COL13A1: variants seen among roughly 807,000 people sequenced by gnomAD.
COL13A1 encodes collagen alpha-1(XIII) chain.
COL13A1 carries 89 observed loss-of-function variants against 130.9 expected under a neutral mutation model. The ratio of observed to expected loss-of-function variants is 0.68; its 90% CI spans 0.57 to 0.81. The LOEUF is 0.81. Ranked by LOEUF, COL13A1 falls within the 30% of genes least tolerant of loss-of-function variation. The pLI is 0.00. For synonymous variants in COL13A1, 402 were observed against 341.6 expected (o/e 1.18, Z -1.95); for missense variants, 879 against 934.6 (o/e 0.94, Z 0.78).
chr10:69,858,212 T>G (rs1857015375), intron 2 of COL13A1, among the ~76,000 whole-genome samples: 1 of 152,068 alleles, frequency 6.6e-6, no homozygotes, highest in African/African-American at 2.4e-5. Context: ...TATCATATGC[T>G]TCTGGGATTG....
intron 2 of COL13A1, chr10:69,860,745 A>T (rs1054776583): frequency 3.9e-6 from 1 of 257,764 alleles, no homozygotes; most frequent in Admixed American, 5.3e-5. Flanking sequence ...CCTGAGCCCC[A>T]GGCTGCTATC....
At chr10:69,911,104 T>C (rs1021636082) in intron 17 of COL13A1, among the ~76,000 whole-genome samples, 2 of 152,142 alleles carry the variant, frequency 1.3e-5, no homozygotes, top group African/African-American at 4.8e-5. Context: ...GGCCCTATGA[T>C]GAGATGGCTA....
chr10:69,942,089 C>T lies in COL13A1; in HGVS notation c.1914+1066C>T, dbSNP rs995524276. On this transcript the variant is annotated intron_variant, in intron 35 of 40. Coordinates refer to ENST00000645393, the MANE Select transcript of COL13A1 (RefSeq NM_001368882.1). ...ACTGAAGCACAGGCTCACAGGTCTT[C>T]CCAGGTGGCCGGGGGCACTTGCAAC... Among the ~76,000 whole-genome samples the T allele has an allele frequency of 2.0e-5, 3 of 152,194 alleles. 1 individual carries two copies. In the South Asian group the frequency reaches 6.2e-4, roughly 32 times the overall value.
chr10:69,941,051 A>C (rs772777909), intron 35 of COL13A1, 28 bp downstream of exon 35: 1 of 1,611,994 alleles, frequency 6.2e-7, no homozygotes, highest in South Asian at 1.1e-5. Context: ...ATCACCCCTC[A>C]CCCCACTCCA....
Position 69,925,655 on chromosome 10 carries a change from G to A in COL13A1, c.1330-149G>A, listed in dbSNP as rs916458625. 6.3e-6 allele frequency: 4 copies of A among 630,364 alleles called. No homozygotes were observed. The African/African-American group carries it at 7.3e-5, about 12-fold the overall frequency. 39.0% of individuals were successfully genotyped at this position (630,364 alleles called of 1,614,324 possible). ...CAATCCCCGAGCATCCTCTGAGAGT[G>A]TTCAGAATCCCCAGGGCCCCGCTGG... On this transcript the variant is annotated intron_variant, in intron 25 of 40. Transcript: ENST00000645393.
chr10:69,945,550 T>C, intron 36 of COL13A1, 121 bp from the exon 37 acceptor site: 1 of 1,375,400 alleles, frequency 7.3e-7, no homozygotes, highest in Non-Finnish European at 1.0e-6. Context: ...TAGCCCTTGC[T>C]TCCCGGAGGG....
At chr10:69,874,800 G>A (rs1157015796) in intron 4 of COL13A1, among the ~76,000 whole-genome samples, 10 of 152,212 alleles carry the variant, frequency 6.6e-5, no homozygotes, top group Non-Finnish European at 1.5e-5. Flanking sequence ...TGGAATTGAT[G>A]CAACAGTGAA....
In COL13A1 at chr10:69,887,503, A is replaced by C; in HGVS notation, c.549+12A>C. 1 of 1,613,654 alleles carries C rather than the reference A, an allele frequency of 6.2e-7. No individual in the cohort carries two copies. The highest frequency in any genetic ancestry group is 8.5e-7 in the Non-Finnish European group (1 of 1,179,806). On this transcript the variant is annotated intron_variant, in intron 8 of 40. Transcript: ENST00000645393. ...TCCCTGGATTTCCGGTAAGTGGAGA[A>C]GGCTGAAGTTAGCTGTGTCCCAGGT...
At chr10:69,823,341 C>T (rs185111565) in intron 2 of COL13A1, among the ~76,000 whole-genome samples, 2 of 152,214 alleles carry the variant, frequency 1.3e-5, no homozygotes, top group East Asian at 1.9e-4. Context: ...CCCTGAGGAA[C>T]TAGAATGCAC....
At chr10:69,878,323 T>A (rs995122405) in intron 6 of COL13A1, among the ~76,000 whole-genome samples, 3 of 152,194 alleles carry the variant, frequency 2.0e-5, no homozygotes, top group Non-Finnish European at 2.9e-5. Context: ...CCTGACAGCA[T>A]GAGGCCTCAT....
intron 38 of COL13A1, among the ~76,000 whole-genome samples, chr10:69,952,161 T>C (rs970473166): frequency 4.6e-5 from 7 of 152,074 alleles, no homozygotes; most frequent in East Asian, 1.9e-4. Flanking sequence ...GAGACACAGA[T>C]AGAACAGGAG....
At chr10:69,932,537 G>A in intron 30 of COL13A1, 23 bp from the exon 31 acceptor site, 1 of 1,597,296 alleles carries the variant, frequency 6.3e-7, no homozygotes. Context: ...TGGCATTCAT[G>A]CAGTGGTGTT....
chr10:69,930,091 T>C lies in COL13A1; in HGVS notation c.1530+4T>C, dbSNP rs1324669003. 10 of 1,613,510 alleles carry C rather than the reference T, an allele frequency of 6.2e-6. No individual in the cohort carries two copies. The highest frequency in any genetic ancestry group is 7.6e-6 in the Non-Finnish European group (9 of 1,179,774). ...TCCAGGACACGATGGGGAAAAGGTATGAACAGACGTCCTCTGGTCAAACCT... is the reference window on the plus strand; with the variant it reads ...TCCAGGACACGATGGGGAAAAGGTACGAACAGACGTCCTCTGGTCAAACCT... On this transcript the variant is annotated splice_donor_region_variant and intron_variant, in intron 29 of 40. Transcript: ENST00000645393.
At chr10:69,939,288 A>G (rs2067320595) in intron 34 of COL13A1, among the ~76,000 whole-genome samples, 2 of 152,164 alleles carry the variant, frequency 1.3e-5, no homozygotes, top group Non-Finnish European at 2.9e-5. Context: ...AGGAAGGCGG[A>G]GCTGGTATTT....
At chr10:69,842,839 T>A (rs1387938879) in intron 2 of COL13A1, among the ~76,000 whole-genome samples, 2 of 152,170 alleles carry the variant, frequency 1.3e-5, no homozygotes, top group Non-Finnish European at 1.5e-5. Context: ...CCTGCTGGGT[T>A]CCGCTGTGTG....
chr10:69,813,129 T>C (rs1843483222), intron 1 of COL13A1, among the ~76,000 whole-genome samples: 1 of 152,218 alleles, frequency 6.6e-6, no homozygotes, highest in African/African-American at 2.4e-5. Context: ...TCAATACCCA[T>C]TTGTGAAAGG....
At chr10:69,870,371 G>T (rs990163176) in intron 3 of COL13A1, among the ~76,000 whole-genome samples, 1 of 151,580 alleles carries the variant, frequency 6.6e-6, no homozygotes, top group Non-Finnish European at 1.5e-5. Context: ...GGGGAGCAGT[G>T]GTGCGATCAA....
At chr10:69,850,776 C>G (rs1326016275) in intron 2 of COL13A1, among the ~76,000 whole-genome samples, 2 of 152,178 alleles carry the variant, frequency 1.3e-5, no homozygotes, top group African/African-American at 4.8e-5. Context: ...AGATGATGAG[C>G]TGTGCCAACT....
chr10:69,947,967 C>A (rs968543344), intron 38 of COL13A1, among the ~76,000 whole-genome samples: 1 of 152,206 alleles, frequency 6.6e-6, no homozygotes, highest in Non-Finnish European at 1.5e-5. Flanking sequence ...GTGGCACCGA[C>A]CACAGCCTTC....
Sources: gnomAD v4.1 joint callset for allele counts (sites outside exome capture counted in the v4.1 genomes callset) on GRCh38, gnomAD v4.1.1 for gene constraint, MANE v1.5 for transcripts, NCBI Gene and HGNC (gene_info 2026-07-23, HGNC 2026-07-21) for gene names.